The following REPS2 variants were observed in gnomAD, a reference collection of about 807,000 sequenced individuals.
REPS2 encodes ralBP1-associated Eps domain-containing protein 2.
Under a neutral mutation model 53.6 loss-of-function variants are expected in REPS2, and 23 were observed. The ratio of observed to expected loss-of-function variants is 0.43; its 90% CI spans 0.31 to 0.61. The LOEUF (loss-of-function observed/expected upper bound fraction) is 0.61. REPS2 is among the 20% of genes least tolerant of loss of function. REPS2 has a pLI of 0.11. For synonymous variants in REPS2, 238 were observed against 218.6 expected (o/e 1.09, Z -0.78); for missense variants, 446 against 534.9 (o/e 0.83, Z 1.64).
chrX:17,055,898 T>G (rs1338516019), intron 8 of REPS2, among the ~76,000 whole-genome samples: 1 of 99,631 alleles, frequency 1.0e-5, no homozygotes, highest in Admixed American at 1.1e-4. Context: ...AGATGACACG[T>G]TAGTGGGTGC....
chrX:17,122,964 T>C (rs1046821672), intron 14 of REPS2, among the ~76,000 whole-genome samples: 5 of 112,293 alleles, frequency 4.5e-5, no homozygotes, highest in Non-Finnish European at 9.4e-5. Context: ...TGTGATAAAA[T>C]ATCGGTTCAT....
intron 14 of REPS2, among the ~76,000 whole-genome samples, chrX:17,124,925 G>A (rs1398332323): frequency 9.5e-6 from 1 of 104,901 alleles, no homozygotes; most frequent in Non-Finnish European, 1.9e-5. Context: ...GTGCAGTAGC[G>A]AGATTTCAGC....
At chrX:16,947,358 A>G (rs1300440564) in intron 1 of REPS2, among the ~76,000 whole-genome samples, 1 of 111,550 alleles carries the variant, frequency 9.0e-6, no homozygotes, top group Non-Finnish European at 1.9e-5. Flanking sequence ...CGCTCTCCCC[A>G]TCTTCCTTCC....
chrX:17,027,659 G>GTTTTTTTTTTTTTTTTT (rs761592588), intron 4 of REPS2, among the ~76,000 whole-genome samples: 4 of 67,270 alleles, frequency 5.9e-5, no homozygotes, highest in African/African-American at 6.1e-5. Context: ...AAATCTTTAG[G>GTTTTTTTTTTTTTTTTT]TTTTTTTTTT....
the REPS2 span, among the ~76,000 whole-genome samples, chrX:17,178,962 C>G: frequency 9.0e-6 from 1 of 111,369 alleles, no homozygotes; most frequent in South Asian, 3.8e-4. Context: ...AGTTGGCTCC[C>G]CTGTTCAGTC....
chrX:17,066,730 G>A (rs770756187), intron 9 of REPS2, among the ~76,000 whole-genome samples: 15 of 111,955 alleles, frequency 1.3e-4, no homozygotes, highest in Admixed American at 4.7e-4. Context: ...AAAATTAGCC[G>A]GGCGTGGTGG....
chrX:17,048,744 CA>C (rs1468152465), intron 6 of REPS2, among the ~76,000 whole-genome samples: 3 of 112,389 alleles, frequency 2.7e-5, no homozygotes, highest in African/African-American at 9.7e-5. Flanking sequence ...TAGCACAAGG[CA>C]GTGCTCACAT....
intron 14 of REPS2, among the ~76,000 whole-genome samples, chrX:17,115,756 C>T (rs761415502): frequency 8.9e-6 from 1 of 112,482 alleles, no homozygotes; most frequent in East Asian, 2.8e-4. Flanking sequence ...TGCCTTCAAG[C>T]ATCTGTTTAA....
intron 2 of REPS2, among the ~76,000 whole-genome samples, chrX:17,012,841 C>T (rs904552817): frequency 2.7e-5 from 3 of 111,829 alleles, no homozygotes; most frequent in East Asian, 5.5e-4. Context: ...AAATTCTTGA[C>T]GAGATAAAAC....
intron 2 of REPS2, among the ~76,000 whole-genome samples, chrX:17,015,705 T>C (rs1378828921): frequency 1.8e-5 from 2 of 111,340 alleles, no homozygotes; most frequent in Non-Finnish European, 3.8e-5. Flanking sequence ...AATGATGGTT[T>C]CCAGCTTCAT....
intron 13 of REPS2, among the ~76,000 whole-genome samples, chrX:17,077,735 C>T (rs1230456055): frequency 8.9e-6 from 1 of 112,484 alleles, no homozygotes; most frequent in Non-Finnish European, 1.9e-5. Flanking sequence ...AATTTGTGAA[C>T]AAGATAGATC....
At chrX:17,189,290 CTT>C in the REPS2 span, among the ~76,000 whole-genome samples, 5 of 99,333 alleles carry the variant, frequency 5.0e-5, no homozygotes, top group African/African-American at 3.6e-5. Flanking sequence ...TTCTTTTTTT[CTT>C]TTTTTTTTTT....
intron 13 of REPS2, among the ~76,000 whole-genome samples, chrX:17,093,411 G>A (rs763601986): frequency 3.7e-5 from 4 of 107,122 alleles, no homozygotes; most frequent in Non-Finnish European, 5.8e-5. Flanking sequence ...AGGAAAGAGA[G>A]TTGGAAAAGT....
Position 17,122,067 on chromosome X carries a change from A to G in REPS2, c.1579-11757A>G, listed in dbSNP as rs148136302. ...GCCTGGCCCAAAACACTTTTTATTG[A>G]AGTATAATTGCATATAGAAAAGCAA... On this transcript the variant is annotated intron_variant, in intron 14 of 17. Transcript: ENST00000357277. 6.1e-3 allele frequency among the ~76,000 whole-genome samples: 680 copies of G among 111,240 alleles called. 21 individuals are homozygous for G. The highest frequency in any genetic ancestry group is 0.052 in the Admixed American group (544 of 10,422).
In REPS2 at chrX:17,103,590, A is replaced by G. The variant is rs1292536503; in HGVS notation, c.1517-128A>G. The G allele has an allele frequency of 5.6e-5, 32 of 569,806 alleles. 3 individuals are homozygous for G. The South Asian group carries it at 8.1e-4, about 14-fold the overall frequency. 47.0% of individuals were successfully genotyped at this position (569,806 alleles called of 1,213,427 possible). On this transcript the variant is annotated intron_variant, in intron 13 of 17. Coordinates refer to ENST00000357277, the MANE Select transcript of REPS2 (RefSeq NM_004726.3). ...GTGTACTCTTTTTTCTTAAGCCTTC[A>G]GAAGGACTGTAAAAACTTAAAGATG...
the REPS2 span, among the ~76,000 whole-genome samples, chrX:17,178,759 C>T: frequency 2.7e-5 from 3 of 111,183 alleles, no homozygotes; most frequent in Admixed American, 2.9e-4. Flanking sequence ...GAAACCCTGT[C>T]TCTACTAAAA....
chrX:16,965,924 A>G (rs2060758613), intron 1 of REPS2, among the ~76,000 whole-genome samples: 1 of 112,681 alleles, frequency 8.9e-6, no homozygotes, highest in African/African-American at 3.2e-5. Flanking sequence ...CCCGGCCAAC[A>G]CAGCGAATCC....
chrX:17,118,278 A>T (rs2063091507), intron 14 of REPS2, among the ~76,000 whole-genome samples: 1 of 110,888 alleles, frequency 9.0e-6, no homozygotes, highest in African/African-American at 3.3e-5. Flanking sequence ...CTTTTTAATG[A>T]TTCATGTGGG....
At position 17,034,124 on chromosome X, in the gene REPS2, G is replaced by A. The variant is rs143663059; in HGVS notation, c.771+4501G>A. Among the ~76,000 whole-genome samples, 538 of 110,249 alleles carry A rather than the reference G, an allele frequency of 4.9e-3. 5 individuals carry two copies. The highest frequency in any genetic ancestry group is 0.016 in the African/African-American group (495 of 30,268). Reference sequence around the variant, plus strand: ...ATCTATTGCTTGTCAGCTCATTTATGTGTGCAACTCAGCCAGAGGGATGGG... The same window carrying A: ...ATCTATTGCTTGTCAGCTCATTTATATGTGCAACTCAGCCAGAGGGATGGG... On this transcript the variant is annotated intron_variant, in intron 5 of 17. Transcript: ENST00000357277.
Sources: allele counts gnomAD v4.1 joint callset (sites outside exome capture counted in the v4.1 genomes callset), GRCh38; gene constraint gnomAD v4.1.1; transcripts MANE v1.5; gene names NCBI Gene and HGNC (gene_info 2026-07-23, HGNC 2026-07-21).